Variants in ZNF568 observed in about 807,000 individuals in gnomAD.
The protein encoded by ZNF568 is p53 inhibitor of SCO2 activation.
A neutral mutation model predicts 18.1 loss-of-function variants in ZNF568; 11 were observed. The observed-to-expected ratio is 0.61, with a 90% CI of 0.38 to 1.00. The LOEUF (loss-of-function observed/expected upper bound fraction) is 1.00, where lower values mean the gene tolerates loss of function less well. Among genes scored for constraint, ZNF568 ranks in the 50% least tolerant of loss-of-function variants. ZNF568 has a pLI of 0.01. For synonymous variants in ZNF568, 213 were observed against 246.6 expected (o/e 0.86, Z 1.28); for missense variants, 639 against 768.2 (o/e 0.83, Z 1.99).
At chr19:36,975,780 C>T (rs1266710999) in intron 7 of ZNF568, among the ~76,000 whole-genome samples, 1 of 143,648 alleles carries the variant, frequency 7.0e-6, no homozygotes, top group Admixed American at 7.4e-5. Flanking sequence ...GCTGCAACCT[C>T]TGCCTCCCTG....
intron 6 of ZNF568, among the ~76,000 whole-genome samples, chr19:36,940,762 T>C (rs1361197533): frequency 1.3e-5 from 2 of 152,210 alleles, no homozygotes; most frequent in African/African-American, 4.8e-5. Flanking sequence ...AGATTGAGGC[T>C]TTCTTTTTCT....
At chr19:36,946,113 C>T (rs970359407) in intron 6 of ZNF568, among the ~76,000 whole-genome samples, 1 of 151,662 alleles carries the variant, frequency 6.6e-6, no homozygotes, top group Non-Finnish European at 1.5e-5. Context: ...ATAATGATAA[C>T]AATAATAATA....
chr19:36,950,536 C>T lies in ZNF568; in HGVS notation c.1383C>T (p.Leu461=). 6.2e-7 allele frequency: 1 copy of T among 1,613,498 alleles called. No homozygotes were observed. Among genetic ancestry groups the T allele is most frequent in the Non-Finnish European group, 8.5e-7 (1 of 1,179,666 alleles). Residue 461 remains leucine, a synonymous_variant, in exon 7 of 7, where the codon CTC becomes CTT. Coordinates refer to ENST00000333987, the MANE Select transcript of ZNF568 (RefSeq NM_198539.4). ...CGKAFSRKEN[L]ITHQKIHTGE... ...AAGCCTTCAGCAGGAAAGAAAATCT[C>T]ATTACACATCAGAAAATTCACACTG...
At chr19:36,947,408 A>G (rs1185011417) in intron 6 of ZNF568, among the ~76,000 whole-genome samples, 1 of 152,180 alleles carries the variant, frequency 6.6e-6, no homozygotes, top group Non-Finnish European at 1.5e-5. Context: ...GCCAGCATTC[A>G]TGAGGCTAAA....
intron 4 of ZNF568, among the ~76,000 whole-genome samples, chr19:36,992,589 G>A (rs900823803): frequency 6.6e-6 from 1 of 152,122 alleles, no homozygotes; most frequent in Non-Finnish European, 1.5e-5. Context: ...TCATTTCAGA[G>A]AGGAAGTACC....
Position 36,952,029 on chromosome 19 carries a change from G to A in ZNF568, c.*941G>A. On this transcript the variant is annotated 3_prime_UTR_variant, in exon 7 of 7. Coordinates refer to ENST00000333987, the MANE Select transcript of ZNF568 (RefSeq NM_198539.4). Reference sequence around the variant, plus strand: ...AGATGATATTGTCTATGACGTTGAGGCCAAGGAGCTTTTTTTTTTTTTTTT... The same window carrying A: ...AGATGATATTGTCTATGACGTTGAGACCAAGGAGCTTTTTTTTTTTTTTTT... 1.1e-6 allele frequency: 1 copy of A among 879,676 alleles called. No homozygotes were observed. The highest frequency in any genetic ancestry group is 1.3e-6 in the Non-Finnish European group (1 of 746,486). The allele number at this position is 879,676 out of a possible 1,614,324, so 54.5% of individuals were successfully genotyped here.
At chr19:36,991,885 G>T in intron 4 of ZNF568, 1 of 1,504,182 alleles carries the variant, frequency 6.6e-7, no homozygotes, top group Non-Finnish European at 8.9e-7. Flanking sequence ...GCCATAGCAG[G>T]TGGTCACTTA....
intron 7 of ZNF568, chr19:36,978,892 G>T (rs921765947): frequency 4.0e-5 from 11 of 272,516 alleles, no homozygotes; most frequent in African/African-American, 7.1e-5. Context: ...GTCAAGAACA[G>T]CATCTATGAA....
intron 2 of ZNF568, among the ~76,000 whole-genome samples, chr19:36,990,793 A>G (rs1470218214): frequency 6.6e-6 from 1 of 152,218 alleles, no homozygotes; most frequent in East Asian, 1.9e-4. Context: ...AAACTGATTC[A>G]GGATTTAATT....
At chr19:36,990,933 C>G in intron 2 of ZNF568, 1 of 387,382 alleles carries the variant, frequency 2.6e-6, no homozygotes, top group East Asian at 4.1e-5. Context: ...ATTCTCTGAC[C>G]TGGGTAGATA....
intron 6 of ZNF568, chr19:36,973,764 G>A (rs1355797061): frequency 6.5e-6 from 1 of 152,908 alleles, no homozygotes; most frequent in Non-Finnish European, 1.5e-5. Flanking sequence ...GTAAGTGTGA[G>A]CGTGTGCCGG....
chr19:36,934,801 T>C (rs1177443260), intron 4 of ZNF568, among the ~76,000 whole-genome samples: 1 of 152,224 alleles, frequency 6.6e-6, no homozygotes, highest in African/African-American at 2.4e-5. Flanking sequence ...ATTTTGTTGA[T>C]CCATTGGTTA....
chr19:36,950,500 G>C lies in ZNF568; in HGVS notation c.1347G>C (p.Lys449Asn). ...NHTAEKPYEC[K>N]ECGKAFSRKE... is the part of the protein sequence containing the mutation. ...CAGCTGAGAAACCCTATGAATGTAAGGAATGTGGAAAAGCCTTCAGCAGGA... is the reference window on the plus strand; with the variant it reads ...CAGCTGAGAAACCCTATGAATGTAACGAATGTGGAAAAGCCTTCAGCAGGA... Residue 449 changes from lysine to asparagine, a missense_variant, in exon 7 of 7, where the codon AAG (lysine) becomes AAC (asparagine). Transcript: ENST00000333987. 1.2e-6 allele frequency: 2 copies of C among 1,612,498 alleles called. No homozygotes were observed. The highest frequency in any genetic ancestry group is 1.3e-5 in the African/African-American group (1 of 74,630).
chr19:36,981,454 A>G (rs1040798563), downstream of ZNF568, among the ~76,000 whole-genome samples: 2 of 152,188 alleles, frequency 1.3e-5, no homozygotes, highest in Admixed American at 1.3e-4. Context: ...GCCTCTAAAT[A>G]ACTCTGCTTA....
chr19:36,971,172 G>T (rs902015508), intron 6 of ZNF568, among the ~76,000 whole-genome samples: 3 of 151,846 alleles, frequency 2.0e-5, no homozygotes, highest in African/African-American at 7.3e-5. Flanking sequence ...GGCAGAGGTT[G>T]CAGTGAGCTG....
rs2074077196 is a variant in ZNF568 at position 36,952,700 on chromosome 19, TA to T, written c.*1616del. ...ATACCTTAAAAAGACTGGTAGCATATAAAATAAATCTTAAAAGCTAATTATA... is the reference window on the plus strand; with the variant it reads ...ATACCTTAAAAAGACTGGTAGCATATAAATAAATCTTAAAAGCTAATTATA... On this transcript the variant is annotated 3_prime_UTR_variant, in exon 7 of 7. Transcript: ENST00000333987. 1 of 619,148 alleles carries T rather than the reference TA, an allele frequency of 1.6e-6. No homozygotes were observed. Among genetic ancestry groups the T allele is most frequent in the East Asian group, 1.3e-4 (1 of 7,566 alleles). The allele number at this position is 619,148 out of a possible 1,614,324, so 38.4% of individuals were successfully genotyped here.
At chr19:36,939,249 C>A (rs1600799129) in intron 6 of ZNF568, among the ~76,000 whole-genome samples, 1 of 152,198 alleles carries the variant, frequency 6.6e-6, no homozygotes, top group Non-Finnish European at 1.5e-5. Flanking sequence ...TCTCTTTGTT[C>A]AGCCCTGCCT....
intron 4 of ZNF568, among the ~76,000 whole-genome samples, chr19:36,995,942 G>C (rs1205064727): frequency 6.6e-6 from 1 of 152,108 alleles, no homozygotes; most frequent in Non-Finnish European, 1.5e-5. Context: ...CCGAATCTCT[G>C]AAACTTGTGA....
chr19:36,996,214 A>T, intron 4 of ZNF568: 1 of 951,028 alleles, frequency 1.1e-6, no homozygotes, highest in Non-Finnish European at 1.5e-6. Context: ...CAGTGTAAAG[A>T]ATTGCTTATT....
Sources: allele counts gnomAD v4.1 joint callset (sites outside exome capture counted in the v4.1 genomes callset), GRCh38; gene constraint gnomAD v4.1.1; transcripts MANE v1.5; gene names NCBI Gene and HGNC (gene_info 2026-07-23, HGNC 2026-07-21).